Variants in EPN2 observed in about 807,000 individuals in gnomAD.
EPN2 encodes epsin-2.
In EPN2, 34 loss-of-function variants were observed where a neutral mutation model predicts 61.7. The observed-to-expected ratio is 0.55, with a 90% CI of 0.42 to 0.73. The LOEUF is 0.73. Among genes scored for constraint, EPN2 ranks in the 30% least tolerant of loss-of-function variants. The pLI, the probability that EPN2 is intolerant of heterozygous loss-of-function variation, is 0.00. For synonymous variants in EPN2, 349 were observed against 353.6 expected (o/e 0.99, Z 0.15); for missense variants, 714 against 839.2 (o/e 0.85, Z 1.84).
At chr17:19,271,908 G>A (rs1199729943) in intron 1 of EPN2, among the ~76,000 whole-genome samples, 1 of 152,236 alleles carries the variant, frequency 6.6e-6, no homozygotes, top group Non-Finnish European at 1.5e-5. Context: ...GGGATCCACT[G>A]CCCCTCCTTT....
intron 4 of EPN2, chr17:19,307,799 C>G (rs1905923944): frequency 1.7e-6 from 1 of 593,498 alleles, no homozygotes; most frequent in Non-Finnish European, 2.1e-6. Flanking sequence ...CTCTTTCTAC[C>G]TCCCCTGGTT....
intron 7 of EPN2, chr17:19,313,512 A>G (rs1014669536): frequency 6.5e-5 from 27 of 415,752 alleles, no homozygotes; most frequent in Middle Eastern, 6.1e-4. Context: ...AGGAAAGTCA[A>G]CCTCCCCTCA....
At chr17:19,266,663 A>G (rs1039507921) in intron 1 of EPN2, among the ~76,000 whole-genome samples, 6 of 151,624 alleles carry the variant, frequency 4.0e-5, no homozygotes, top group Non-Finnish European at 7.4e-5. Flanking sequence ...CGGCCTCCCA[A>G]AGTGCTGGGA....
intron 1 of EPN2, among the ~76,000 whole-genome samples, chr17:19,263,901 G>C (rs1490458820): frequency 2.0e-5 from 3 of 149,946 alleles, no homozygotes; most frequent in Non-Finnish European, 4.4e-5. Flanking sequence ...GGAAAGAGGG[G>C]GGCTGGAGCG....
At chr17:19,264,769 A>G (rs2045178756) in intron 1 of EPN2, among the ~76,000 whole-genome samples, 2 of 152,258 alleles carry the variant, frequency 1.3e-5, no homozygotes, top group South Asian at 2.1e-4. Context: ...GGTGCCCTGT[A>G]GAGTCATTCA....
chr17:19,260,364 T>A (rs1454631261), intron 1 of EPN2, among the ~76,000 whole-genome samples: 1 of 152,230 alleles, frequency 6.6e-6, no homozygotes, highest in Non-Finnish European at 1.5e-5. Flanking sequence ...AAAGGCCATT[T>A]ATAGCCTTCC....
At chr17:19,331,542 C>T (rs886806426) in intron 9 of EPN2, among the ~76,000 whole-genome samples, 5 of 151,930 alleles carry the variant, frequency 3.3e-5, no homozygotes, top group African/African-American at 1.2e-4. Flanking sequence ...GTAAATTGCC[C>T]ATGCCTAGCT....
At chr17:19,244,336 G>A (rs1450550535) in intron 1 of EPN2, among the ~76,000 whole-genome samples, 1 of 152,076 alleles carries the variant, frequency 6.6e-6, no homozygotes, top group Non-Finnish European at 1.5e-5. Context: ...GCGTGGGCCT[G>A]TAGTCCCAAC....
intron 7 of EPN2, among the ~76,000 whole-genome samples, chr17:19,320,188 C>G (rs1440363781): frequency 6.6e-6 from 1 of 152,228 alleles, no homozygotes; most frequent in Admixed American, 6.5e-5. Flanking sequence ...CATCCCTACT[C>G]AGGGGATGTG....
intron 1 of EPN2, among the ~76,000 whole-genome samples, 172 bp downstream of exon 1, chr17:19,237,703 C>T (rs1357084168): frequency 6.6e-6 from 1 of 152,074 alleles, no homozygotes; most frequent in Non-Finnish European, 1.5e-5. Flanking sequence ...CTGGGGGATC[C>T]CCTTCTTTCC....
At chr17:19,253,060 T>C (rs1462080917) in intron 1 of EPN2, among the ~76,000 whole-genome samples, 2 of 152,208 alleles carry the variant, frequency 1.3e-5, no homozygotes, top group African/African-American at 2.4e-5. Flanking sequence ...TATAGTGTTG[T>C]GCCACTATCT....
At chr17:19,269,519 T>C (rs145007487) in intron 1 of EPN2, among the ~76,000 whole-genome samples, 1,578 of 152,372 alleles carry the variant, frequency 0.01, 28 homozygotes, top group African/African-American at 0.036. Flanking sequence ...ATGTGAGTTC[T>C]GAAGAACACG....
chr17:19,323,314 CAG>C (rs1238521328), intron 7 of EPN2, among the ~76,000 whole-genome samples: 1 of 152,172 alleles, frequency 6.6e-6, no homozygotes, highest in Admixed American at 6.5e-5. Context: ...AGTTGGGAAT[CAG>C]TGTGGCTGGG....
chr17:19,318,464 C>A (rs1225192591), intron 7 of EPN2, among the ~76,000 whole-genome samples: 1 of 142,596 alleles, frequency 7.0e-6, no homozygotes, highest in Non-Finnish European at 1.5e-5. Flanking sequence ...CAGGGAGAAT[C>A]GCTTGAACCC....
intron 4 of EPN2, among the ~76,000 whole-genome samples, chr17:19,289,950 A>G (rs1299635057): frequency 6.6e-6 from 1 of 151,478 alleles, no homozygotes; most frequent in Non-Finnish European, 1.5e-5. Context: ...TGAACCCCTG[A>G]CCTCAAGTGA....
Position 19,295,366 on chromosome 17 carries a change from A to ACACACGCG in EPN2, c.766+9577_766+9578insACACGCGC, listed in dbSNP as rs147719775. 5.7e-3 allele frequency among the ~76,000 whole-genome samples: 799 copies of ACACACGCG among 140,378 alleles called. 6 individuals are homozygous for ACACACGCG. The highest frequency in any genetic ancestry group is 0.014 in the Middle Eastern group (4 of 276). 92.1% of individuals were successfully genotyped at this position (140,378 alleles called of 152,430 possible). A position where few individuals can be genotyped will look rare whatever the true frequency, so the allele number is the denominator to read the frequency against. On this transcript the variant is annotated intron_variant, in intron 4 of 10. Transcript: ENST00000314728. ...TACACACACACACACACACACACAC[A>ACACACGCG]CGCGCGTGCGCGCAAAATAGCCAGG...
chr17:19,241,210 T>C (rs140099504), intron 1 of EPN2, among the ~76,000 whole-genome samples: 6 of 152,252 alleles, frequency 3.9e-5, no homozygotes, highest in African/African-American at 1.2e-4. Context: ...ATTAAGGTGG[T>C]TGAGGATGGG....
In EPN2 at chr17:19,333,987, T is replaced by C; in HGVS notation, c.1659T>C (p.Pro553=). 6.3e-7 allele frequency: 1 copy of C among 1,579,846 alleles called. No homozygotes were observed. The highest frequency in any genetic ancestry group is 8.6e-7 in the Non-Finnish European group (1 of 1,158,434). Residue 553 remains proline, a synonymous_variant, in exon 11 of 11, where the codon CCT becomes CCC. Transcript: ENST00000314728. ...GAPATSAPVN[P]FQVNQPQPLT... ...CCGCCACCTCGGCCCCTGTTAACCC[T>C]TTCCAGGTGAACCAGCCCCAGCCGC...
At chr17:19,260,759 G>A (rs1439681261) in intron 1 of EPN2, among the ~76,000 whole-genome samples, 2 of 151,780 alleles carry the variant, frequency 1.3e-5, no homozygotes, top group African/African-American at 4.8e-5. Context: ...CCTCCTCCCT[G>A]GTAACCACCT....
Sources: allele counts gnomAD v4.1 joint callset (sites outside exome capture counted in the v4.1 genomes callset), GRCh38; gene constraint gnomAD v4.1.1; transcripts MANE v1.5; gene names NCBI Gene and HGNC (gene_info 2026-07-23, HGNC 2026-07-21).